MTREX: variants seen among roughly 807,000 people sequenced by gnomAD.
MTREX encodes exosome RNA helicase MTR4.
In MTREX, 76 loss-of-function variants were observed where a neutral mutation model predicts 135.4. The ratio of observed to expected loss-of-function variants is 0.56; its 90% CI spans 0.47 to 0.68. The LOEUF is 0.68. Ranked by LOEUF, MTREX falls within the 30% of genes least tolerant of loss-of-function variation. The probability of loss-of-function intolerance (pLI) is 0.00; values close to 1 mark genes in which losing one functional copy is unlikely to be tolerated. For missense variants in MTREX, 920 were observed against 1,262.1 expected, an observed-to-expected ratio of 0.73 and a Z score of 4.11; for synonymous variants, 404 against 401.6, an observed-to-expected ratio of 1.01 and a Z score of -0.07.
At chr5:55,414,981 A>T (rs1750944089) in intron 24 of MTREX, among the ~76,000 whole-genome samples, 1 of 152,086 alleles carries the variant, frequency 6.6e-6, no homozygotes, top group Admixed American at 6.6e-5. Context: ...GTTTTATCAT[A>T]AGAAATTGTC....
chr5:55,418,707 CTA>C (rs925639917), intron 25 of MTREX, among the ~76,000 whole-genome samples: 3 of 152,172 alleles, frequency 2.0e-5, no homozygotes, highest in Non-Finnish European at 4.4e-5. Context: ...GCCCTTAAAA[CTA>C]TTTTTTGATT....
intron 21 of MTREX, among the ~76,000 whole-genome samples, chr5:55,401,115 A>T (rs1054998302): frequency 3.3e-5 from 5 of 152,122 alleles, no homozygotes; most frequent in African/African-American, 1.2e-4. Flanking sequence ...GCTCACTGCA[A>T]CCTCTGCCTC....
intron 14 of MTREX, 112 bp downstream of exon 14, chr5:55,353,381 T>G (rs754501738): frequency 3.1e-6 from 2 of 637,050 alleles, no homozygotes; most frequent in Non-Finnish European, 5.2e-6. Flanking sequence ...AACTTGAACC[T>G]GAGCTAATAC....
chr5:55,422,172 TCA>T (rs1561215334), intron 25 of MTREX, among the ~76,000 whole-genome samples: 1 of 152,202 alleles, frequency 6.6e-6, no homozygotes. Flanking sequence ...AGAAAGGATC[TCA>T]CAATCTCTGC....
intron 25 of MTREX, among the ~76,000 whole-genome samples, chr5:55,420,175 G>A (rs1751031351): frequency 7.0e-6 from 1 of 143,070 alleles, no homozygotes; most frequent in African/African-American, 2.4e-5. Flanking sequence ...GCGGCAAGTA[G>A]TTGCAAGATA....
intron 16 of MTREX, among the ~76,000 whole-genome samples, chr5:55,368,770 T>C (rs1300704289): frequency 1.3e-5 from 2 of 151,770 alleles, no homozygotes; most frequent in East Asian, 2.0e-4. Flanking sequence ...TCACCATTAA[T>C]AAAGTGATGA....
chr5:55,413,446 T>A lies in MTREX; in HGVS notation c.2752-736T>A, dbSNP rs186981867. 4.0e-3 allele frequency among the ~76,000 whole-genome samples: 603 copies of A among 151,790 alleles called. 4 individuals carry two copies. The highest frequency in any genetic ancestry group is 0.014 in the African/African-American group (576 of 41,398). The stretch of plus-strand genomic sequence containing the variant: ...TTTTGTACAGTACCTTTGTCAAAAA[T>A]TTCTTCACAAATAATGTCTGTTATT... On this transcript the variant is annotated intron_variant, in intron 23 of 26. Transcript: ENST00000230640.
chr5:55,356,466 A>T (rs1749915670), intron 14 of MTREX: 1 of 206,942 alleles, frequency 4.8e-6, no homozygotes, highest in East Asian at 1.1e-4. Flanking sequence ...GTTTTGGGAG[A>T]TGAACTGGTG....
intron 22 of MTREX, among the ~76,000 whole-genome samples, chr5:55,406,297 G>A (rs1456742605): frequency 6.6e-6 from 1 of 152,182 alleles, no homozygotes; most frequent in East Asian, 1.9e-4. Flanking sequence ...CAGACAGGTG[G>A]TTAAGCTGAA....
chr5:55,387,820 A>G (rs1355030003), intron 18 of MTREX, among the ~76,000 whole-genome samples, 154 bp from the exon 19 acceptor site: 4 of 152,150 alleles, frequency 2.6e-5, no homozygotes, highest in Non-Finnish European at 5.9e-5. Flanking sequence ...GAATCCAGAG[A>G]GACAGTTTTC....
chr5:55,407,482 T>C (rs1054867345), intron 22 of MTREX, among the ~76,000 whole-genome samples: 5 of 152,240 alleles, frequency 3.3e-5, no homozygotes, highest in African/African-American at 1.2e-4. Context: ...GATTTTGTGT[T>C]GAAAGAATGG....
intron 18 of MTREX, among the ~76,000 whole-genome samples, chr5:55,385,728 G>C (rs1032024923): frequency 7.2e-5 from 11 of 152,230 alleles, no homozygotes; most frequent in Non-Finnish European, 1.2e-4. Flanking sequence ...TGGGGAGCAG[G>C]CTTGTGGATC....
At chr5:55,382,637 T>C (rs534768957) in intron 18 of MTREX, among the ~76,000 whole-genome samples, 88 of 152,322 alleles carry the variant, frequency 5.8e-4, no homozygotes, top group Admixed American at 1.2e-3. Flanking sequence ...TTTTTGTTTT[T>C]TTGTTTTTTG....
At chr5:55,337,255 G>A (rs1749568712) in intron 5 of MTREX, among the ~76,000 whole-genome samples, 1 of 151,736 alleles carries the variant, frequency 6.6e-6, no homozygotes, top group African/African-American at 2.4e-5. Context: ...TTAGTAACTG[G>A]GAGTACAGAC....
intron 5 of MTREX, among the ~76,000 whole-genome samples, chr5:55,329,186 C>CT (rs1419338758): frequency 6.6e-6 from 1 of 150,756 alleles, no homozygotes; most frequent in Non-Finnish European, 1.5e-5. Context: ...TTGTCAAGTG[C>CT]TTTTTTTGCA....
intron 19 of MTREX, among the ~76,000 whole-genome samples, chr5:55,391,012 T>G (rs1212047347): frequency 6.6e-6 from 1 of 152,242 alleles, no homozygotes; most frequent in Non-Finnish European, 1.5e-5. Context: ...ACTATTTTTC[T>G]CTGTGTATAG....
intron 5 of MTREX, among the ~76,000 whole-genome samples, chr5:55,337,610 ATGT>A (rs1749574352): frequency 6.6e-6 from 1 of 151,858 alleles, no homozygotes; most frequent in South Asian, 2.1e-4. Flanking sequence ...GTTCCCTTGT[ATGT>A]TGTTTACTTT....
chr5:55,364,622 G>C (rs569373378), intron 15 of MTREX, among the ~76,000 whole-genome samples: 5 of 151,426 alleles, frequency 3.3e-5, no homozygotes, highest in Non-Finnish European at 7.4e-5. Flanking sequence ...ATTGAAACAA[G>C]AACAGTTACG....
chr5:55,415,229 GAAAA>G (rs950780392), intron 24 of MTREX, among the ~76,000 whole-genome samples: 3 of 143,800 alleles, frequency 2.1e-5, no homozygotes, highest in Non-Finnish European at 4.6e-5. Flanking sequence ...GAAGAAAAAA[GAAAA>G]AAAAAACCTG....
Sources: allele counts gnomAD v4.1 joint callset (sites outside exome capture counted in the v4.1 genomes callset), GRCh38; gene constraint gnomAD v4.1.1; transcripts MANE v1.5; gene names NCBI Gene and HGNC (gene_info 2026-07-23, HGNC 2026-07-21).